ADAMTS7: variants seen among roughly 807,000 people sequenced by gnomAD.
The protein encoded by ADAMTS7 is ADAM metallopeptidase with thrombospondin type 1 motif 7.
ADAMTS7 carries 89 observed loss-of-function variants against 172.6 expected under a neutral mutation model. The ratio of observed to expected loss-of-function variants is 0.52; its 90% CI spans 0.43 to 0.61. ADAMTS7 has a LOEUF of 0.61. ADAMTS7 is among the 20% of genes least tolerant of loss of function. The pLI, the probability that ADAMTS7 is intolerant of heterozygous loss-of-function variation, is 0.00. For missense variants in ADAMTS7, 1,973 were observed against 2,355.6 expected (o/e 0.84, Z 3.36); for synonymous variants, 885 against 978.4 (o/e 0.90, Z 1.78).
In ADAMTS7 at chr15:78,766,037, G is replaced by C. The variant is rs1465245557; in HGVS notation, c.3874C>G (p.Leu1292Val). 1.2e-6 allele frequency: 2 copies of C among 1,604,620 alleles called. No individual in the cohort carries two copies. Among genetic ancestry groups the C allele is most frequent in the African/African-American group, 2.7e-5 (2 of 74,860 alleles). ...AGAGGGGCTATGGGAGGAGGAAGGA[G>C]AGAAGCCACCCCAACAGTGGGCCAC... ...ELWPTVGVAS[L>V]LPPPIAPLPE... Residue 1292 changes from leucine to valine, a missense_variant, in exon 19 of 24, where the codon CTC (leucine) becomes GTC (valine). This residue lies in a region of ADAMTS7 where 771 missense variants were observed against 952.6 expected (regional missense o/e 0.81). Transcript: ENST00000388820.
chr15:78,767,804 C>T (rs1297571010), intron 17 of ADAMTS7, among the ~76,000 whole-genome samples: 1 of 151,900 alleles, frequency 6.6e-6, no homozygotes, highest in Non-Finnish European at 1.5e-5. Context: ...CTCCTGCCAG[C>T]CTCCCCTCAG....
At chr15:78,768,047 A>ATGGGGGTGGGGAGTTGGCGGGGGG (rs2055185931) in intron 17 of ADAMTS7, 86 bp downstream of exon 17, 1 of 516,622 alleles carries the variant, frequency 1.9e-6, no homozygotes, top group Non-Finnish European at 3.1e-6. Context: ...TTGGCGGGGG[A>ATGGGGGTGGGGAGTTGGCGGGGGG]TGGGGTGGGG....
intron 1 of ADAMTS7, chr15:78,810,638 G>C (rs61393924): frequency 0.32 from 48,298 of 152,682 alleles, 8,034 homozygotes; most frequent in African/African-American, 0.42. Context: ...TGCGGTGGGC[G>C]GGAGCTGGGG....
chr15:78,768,884 A>G (rs890721024), intron 16 of ADAMTS7, among the ~76,000 whole-genome samples: 1 of 152,144 alleles, frequency 6.6e-6, no homozygotes, highest in African/African-American at 2.4e-5. Flanking sequence ...AGCCTTGGGA[A>G]CAGAATGAAA....
intron 8 of ADAMTS7, among the ~76,000 whole-genome samples, chr15:78,787,964 T>C (rs1994017): frequency 0.73 from 111,624 of 151,998 alleles, 41,397 homozygotes; most frequent in East Asian, 0.91. Flanking sequence ...TGTGAATTCT[T>C]GCTCCTCCTC....
At chr15:78,767,230 T>A in intron 18 of ADAMTS7, 149 bp downstream of exon 18, 1 of 1,192,914 alleles carries the variant, frequency 8.4e-7, no homozygotes, top group East Asian at 2.6e-5. Flanking sequence ...AGGGGCTTCC[T>A]GATCCCTGAG....
intron 19 of ADAMTS7, chr15:78,765,005 T>C: frequency 3.0e-6 from 1 of 328,980 alleles, no homozygotes. Context: ...CCCGACCAGC[T>C]ATCTTGACCA....
At position 78,788,724 on chromosome 15, in the gene ADAMTS7, A is replaced by G. The variant is rs533265704; in HGVS notation, c.1179-350T>C. ...CCCTGCAAGCTCACTGGCCTCAAGA[A>G]CAGTCTGACAGCGGTTCCCACTCAC... On this transcript the variant is annotated intron_variant, in intron 7 of 23. Transcript: ENST00000388820. 3.7e-3 allele frequency among the ~76,000 whole-genome samples: 564 copies of G among 152,368 alleles called. 2 individuals are homozygous for G. Among genetic ancestry groups the G allele is most frequent in the Middle Eastern group, 6.8e-3 (2 of 294 alleles).
intron 1 of ADAMTS7, among the ~76,000 whole-genome samples, chr15:78,802,953 C>T (rs2055745164): frequency 6.6e-6 from 1 of 151,992 alleles, no homozygotes; most frequent in African/African-American, 2.4e-5. Flanking sequence ...GCCGAGATCG[C>T]ATCACTGCAC....
At chr15:78,784,407 GGGGGA>G in intron 8 of ADAMTS7, among the ~76,000 whole-genome samples, 1 of 98,084 alleles carries the variant, frequency 1.0e-5, no homozygotes, top group Non-Finnish European at 2.3e-5. Context: ...AGAGGAAGAG[GGGGGA>G]GGGAGGGAGG....
chr15:78,798,517 T>G (rs2055676258), intron 2 of ADAMTS7, among the ~76,000 whole-genome samples: 1 of 152,186 alleles, frequency 6.6e-6, no homozygotes, highest in Admixed American at 6.5e-5. Context: ...ATGCCAGCCA[T>G]TTCCAGCACT....
In ADAMTS7 at chr15:78,766,051, A is replaced by C. The variant is rs568278703; in HGVS notation, c.3860T>G (p.Val1287Gly). 1.4e-5 allele frequency: 22 copies of C among 1,606,498 alleles called. No homozygotes were observed. The African/African-American group carries it at 2.9e-4, about 21-fold the overall frequency. Residue 1287 changes from valine (V) to glycine (G), a missense_variant, in exon 19 of 24, where the codon GTT (valine) becomes GGT (glycine). Physicochemically the swap from Val to Gly is moderately radical, Grantham distance 109. Transcript: ENST00000388820. ...GPVDSELWPTVGVASLLPPPI... is the reference protein window; with the variant it reads ...GPVDSELWPTGGVASLLPPPI... ...AGGAGGAAGGAGAGAAGCCACCCCA[A>C]CAGTGGGCCACAGTTCACTGTCCAC...
At position 78,762,775 on chromosome 15, in the gene ADAMTS7, C is replaced by G. The variant is rs3971708; in HGVS notation, c.4741-210G>C. On this transcript the variant is annotated intron_variant, in intron 22 of 23. Transcript: ENST00000388820. ...CCCACTCTCACTTGTGGGATCGGCT[C>G]CTGCAGAGGGAAGGGGCGTGAGAAC... Among the ~76,000 whole-genome samples the G allele has an allele frequency of 0.24, 36,104 of 152,200 alleles. 4,964 individuals are homozygous for G. Among genetic ancestry groups the G allele is most frequent in the Non-Finnish European group, 0.33 (22,265 of 67,932 alleles).
chr15:78,811,026 C>A, intron 1 of ADAMTS7, 95 bp downstream of exon 1: 1 of 1,179,434 alleles, frequency 8.5e-7, no homozygotes, highest in Non-Finnish European at 1.1e-6. Context: ...GCGGAGCCGG[C>A]GCGGGGTCCA....
At position 78,767,546 on chromosome 15, in the gene ADAMTS7, C is replaced by G. The variant is rs759099665; in HGVS notation, c.2692G>C (p.Gly898Arg). ...WQLCSSSCGP[G>R]GLSRRAVLCI... ...AGCACGGCCCGGCGGGAGAGGCCCC[C>G]AGGCCCGCAGGAGCTGGAGCACAGC... Residue 898 changes from glycine (G) to arginine (R), a missense_variant, in exon 18 of 24, where the codon GGG (glycine) becomes CGG (arginine). Gly to Arg is a moderately radical substitution (Grantham distance 125). Coordinates refer to ENST00000388820, the MANE Select transcript of ADAMTS7 (RefSeq NM_014272.5). 6.4e-6 allele frequency: 10 copies of G among 1,573,188 alleles called. No individual in the cohort carries two copies. In the East Asian group the frequency reaches 2.1e-4, roughly 33 times the overall value.
In ADAMTS7 at chr15:78,765,716, C is replaced by T; in HGVS notation, c.4195G>A (p.Ala1399Thr). 2.5e-6 allele frequency: 4 copies of T among 1,610,700 alleles called. No homozygotes were observed. Among genetic ancestry groups the T allele is most frequent in the Non-Finnish European group, 3.4e-6 (4 of 1,179,798 alleles). Residue 1399 changes from alanine (A) to threonine (T), a missense_variant, in exon 19 of 24, where the codon GCT (alanine) becomes ACT (threonine). This residue lies in a region of ADAMTS7 where 771 missense variants were observed against 952.6 expected (regional missense o/e 0.81). Coordinates refer to ENST00000388820, the MANE Select transcript of ADAMTS7 (RefSeq NM_014272.5). ...PETQPLAPSL[A>T]EAGPPADPLV... ...GGGTCCGCGGGGGGCCCCGCTTCAG[C>T]CAGGCTGGGAGCCAGCGGCTGGGTC...
chr15:78,782,503 T>C (rs2904219), intron 8 of ADAMTS7, among the ~76,000 whole-genome samples: 2,764 of 123,498 alleles, frequency 0.022, 44 homozygotes, highest in South Asian at 0.11. Flanking sequence ...AAATATGGCA[T>C]GTTGAGCAGA....
chr15:78,799,491 T>A lies in ADAMTS7; in HGVS notation c.456+701A>T, dbSNP rs71407298. On this transcript the variant is annotated intron_variant, in intron 2 of 23. Transcript: ENST00000388820. ...GACCTGCTTTTCCTGGAGTTCTGATTCGAGCAGAGGGGCTGAAAGGGGTTC... is the reference window on the plus strand; with the variant it reads ...GACCTGCTTTTCCTGGAGTTCTGATACGAGCAGAGGGGCTGAAAGGGGTTC... 2.4e-5 allele frequency among the ~76,000 whole-genome samples: 3 copies of A among 126,536 alleles called. 1 individual carries two copies. Among genetic ancestry groups the A allele is most frequent in the Non-Finnish European group, 5.8e-5 (3 of 51,950 alleles). 83.0% of individuals were successfully genotyped at this position (126,536 alleles called of 152,430 possible).
chr15:78,776,424 G>A (rs543230226), intron 10 of ADAMTS7, 91 bp from the exon 11 acceptor site: 30 of 1,503,458 alleles, frequency 2.0e-5, no homozygotes, highest in Middle Eastern at 2.5e-4. Flanking sequence ...GGAAGGCTGC[G>A]AAAGGCACAG....
Sources: allele counts gnomAD v4.1 joint callset (sites outside exome capture counted in the v4.1 genomes callset), GRCh38; gene constraint gnomAD v4.1.1; regional missense constraint gnomAD v4.1.1; transcripts MANE v1.5; gene names NCBI Gene and HGNC (gene_info 2026-07-23, HGNC 2026-07-21).